Variants in SPATA16 observed in about 807,000 individuals in gnomAD.
The protein encoded by SPATA16 is spermatogenesis-associated protein 16.
SPATA16 carries 36 observed loss-of-function variants against 63.3 expected under a neutral mutation model. The observed-to-expected ratio is 0.57, with a 90% CI of 0.44 to 0.75. SPATA16 has a LOEUF of 0.75. SPATA16 is among the 30% of genes least tolerant of loss of function. The pLI is 0.00. For missense variants in SPATA16, 646 were observed against 679.3 expected (o/e 0.95, Z 0.54); for synonymous variants, 203 against 216.7 (o/e 0.94, Z 0.56).
rs1314430780 is a variant in SPATA16 at position 173,116,505 on chromosome 3, G to A, written c.612+615C>T. Among the ~76,000 whole-genome samples, 3 of 152,192 alleles carry A rather than the reference G, an allele frequency of 2.0e-5. No homozygotes were observed. The South Asian group carries it at 6.2e-4, about 32-fold the overall frequency. ...ATTCTGAAGTTTATTTTAGTCCATG[G>A]CTATTTTTTATGCCAAGGTATTCAC... On this transcript the variant is annotated intron_variant, in intron 2 of 10. Coordinates refer to ENST00000351008, the MANE Select transcript of SPATA16 (RefSeq NM_031955.6).
intron 2 of SPATA16, among the ~76,000 whole-genome samples, chr3:173,052,087 A>G (rs1159523477): frequency 6.6e-6 from 1 of 152,194 alleles, no homozygotes; most frequent in East Asian, 1.9e-4. Context: ...CTGGGATTAC[A>G]GGCGTGAGCC....
At chr3:172,960,963 C>CTCTCTTTCTTTTTCTCTT (rs1044401771) in intron 5 of SPATA16, among the ~76,000 whole-genome samples, 1 of 143,468 alleles carries the variant, frequency 7.0e-6, no homozygotes, top group African/African-American at 2.6e-5. Context: ...CCCTCTCTCT[C>CTCTCTTTCTTTTTCTCTT]TCTCTTTCTT....
chr3:172,978,125 C>CTCTCTCTCTCTCCCTCTCTCTCTA, intron 4 of SPATA16, among the ~76,000 whole-genome samples: 1 of 149,960 alleles, frequency 6.7e-6, no homozygotes, highest in South Asian at 2.1e-4. Context: ...ATTCAGCTCT[C>CTCTCTCTCTCTCCCTCTCTCTCTA]TCTCTCTCTC....
At position 172,916,345 on chromosome 3, in the gene SPATA16, T is replaced by C. The variant is rs2109565888; in HGVS notation, c.1475A>G (p.Gln492Arg). The C allele has an allele frequency of 1.9e-6, 3 of 1,613,704 alleles. No individual in the cohort carries two copies. The highest frequency in any genetic ancestry group is 2.5e-6 in the Non-Finnish European group (3 of 1,179,682). ...MAELATIPYL[Q>R]DISQQEAELL... Reference sequence around the variant, plus strand: ...TTCTGCCTCCTGTTGACTGATGTCCTGTAGGTAGGGAATGGTTGCTAGCTC... The same window carrying C: ...TTCTGCCTCCTGTTGACTGATGTCCCGTAGGTAGGGAATGGTTGCTAGCTC... The change falls in exon 9 of 11, where the codon CAG (glutamine) becomes CGG (arginine). Residue 492 changes from glutamine (Q) to arginine (R), a missense_variant. By Grantham distance (43) the Gln-to-Arg change is conservative (BLOSUM62 1). Transcript: ENST00000351008.
chr3:172,996,105 C>G (rs1381930798), intron 4 of SPATA16, among the ~76,000 whole-genome samples: 1 of 151,998 alleles, frequency 6.6e-6, no homozygotes, highest in Non-Finnish European at 1.5e-5. Context: ...CATAGAATGT[C>G]TTTCAAATTA....
chr3:173,112,107 G>A (rs1737763716), intron 2 of SPATA16, among the ~76,000 whole-genome samples: 1 of 151,822 alleles, frequency 6.6e-6, no homozygotes, highest in South Asian at 2.1e-4. Context: ...CAATACAAAT[G>A]CAATGCCAAC....
intron 4 of SPATA16, among the ~76,000 whole-genome samples, chr3:172,987,451 G>C (rs1334172685): frequency 6.6e-6 from 1 of 152,200 alleles, no homozygotes. Flanking sequence ...TCAAGCATCA[G>C]TTCTTGGAAC....
At chr3:172,956,850 GGCAT>G in intron 5 of SPATA16, 26 bp from the exon 6 acceptor site, 1 of 1,612,512 alleles carries the variant, frequency 6.2e-7, no homozygotes, top group Non-Finnish European at 8.5e-7. Context: ...CAACCCATTT[GGCAT>G]CAATAACAAT....
intron 2 of SPATA16, among the ~76,000 whole-genome samples, chr3:173,059,440 A>G (rs1169823431): frequency 6.7e-6 from 1 of 149,398 alleles, no homozygotes; most frequent in East Asian, 2.0e-4. Flanking sequence ...TTTCTTATTC[A>G]TTATCTTACT....
chr3:173,019,158 A>G (rs1357490956), intron 4 of SPATA16, among the ~76,000 whole-genome samples: 1 of 152,202 alleles, frequency 6.6e-6, no homozygotes, highest in Non-Finnish European at 1.5e-5. Context: ...AGAGATAGTT[A>G]TAGAAATGTG....
chr3:173,056,402 G>A (rs916641987), intron 2 of SPATA16, among the ~76,000 whole-genome samples: 1 of 152,138 alleles, frequency 6.6e-6, no homozygotes, highest in African/African-American at 2.4e-5. Flanking sequence ...GAGAATGTAT[G>A]TTGCTGACAT....
chr3:172,994,955 T>C (rs1411776836), intron 4 of SPATA16, among the ~76,000 whole-genome samples: 1 of 152,106 alleles, frequency 6.6e-6, no homozygotes, highest in African/African-American at 2.4e-5. Context: ...ATGCCTGTAA[T>C]ACAGCCAAAT....
At chr3:172,950,813 ACT>A (rs1405500043) in intron 6 of SPATA16, among the ~76,000 whole-genome samples, 5 of 152,030 alleles carry the variant, frequency 3.3e-5, no homozygotes, top group Admixed American at 3.3e-4. Context: ...ACAAAATATG[ACT>A]CTATCCACCT....
chr3:172,981,537 G>A (rs1196628460), intron 4 of SPATA16, among the ~76,000 whole-genome samples: 1 of 151,610 alleles, frequency 6.6e-6, no homozygotes, highest in Non-Finnish European at 1.5e-5. Flanking sequence ...GTTGCTTCTG[G>A]GATTTTGCAC....
rs561737476 is a variant in SPATA16, at chr3:172,961,555, C to T, written c.934-4731G>A. Among the ~76,000 whole-genome samples, 6 of 152,028 alleles carry T rather than the reference C, an allele frequency of 3.9e-5. No homozygotes were observed. In the East Asian group the frequency reaches 7.8e-4, roughly 20 times the overall value. ...GACTACAGGCGCCCACCACCATGCC[C>T]GGTGAATTTTTGTATTTTTAGTAGA... is the stretch of plus-strand genomic sequence containing the variant. On this transcript the variant is annotated intron_variant, in intron 5 of 10. Coordinates refer to ENST00000351008, the MANE Select transcript of SPATA16 (RefSeq NM_031955.6).
chr3:173,020,808 A>C (rs1735312719), intron 3 of SPATA16, among the ~76,000 whole-genome samples: 1 of 152,224 alleles, frequency 6.6e-6, no homozygotes, highest in African/African-American at 2.4e-5. Context: ...TGGGCTACAG[A>C]ATGTTACAGA....
chr3:173,032,571 G>A (rs1255774396), intron 3 of SPATA16, among the ~76,000 whole-genome samples: 1 of 152,080 alleles, frequency 6.6e-6, no homozygotes, highest in African/African-American at 2.4e-5. Flanking sequence ...TTAGAAGGGA[G>A]TCGCCTAGGG....
At chr3:172,977,542 A>G (rs1734193497) in intron 4 of SPATA16, among the ~76,000 whole-genome samples, 1 of 152,136 alleles carries the variant, frequency 6.6e-6, no homozygotes, top group African/African-American at 2.4e-5. Context: ...AAAATCTCCA[A>G]TTCAAGGAAG....
intron 2 of SPATA16, among the ~76,000 whole-genome samples, chr3:173,092,206 A>C (rs991369054): frequency 2.0e-5 from 3 of 152,164 alleles, no homozygotes; most frequent in African/African-American, 7.2e-5. Context: ...AAATACTGCC[A>C]TCCATGAACT....
Sources: gnomAD v4.1 joint callset for allele counts (sites outside exome capture counted in the v4.1 genomes callset) on GRCh38, gnomAD v4.1.1 for gene constraint, MANE v1.5 for transcripts, NCBI Gene and HGNC (gene_info 2026-07-23, HGNC 2026-07-21) for gene names.